Variants in ATXN1 observed in about 807,000 individuals in gnomAD.
ATXN1 encodes the protein ataxin 1.
A neutral mutation model predicts 56.4 loss-of-function variants in ATXN1; 8 were observed. That is an observed-to-expected ratio of 0.14 (90% CI 0.08 to 0.26). ATXN1 has a LOEUF of 0.26. Among genes scored for constraint, ATXN1 ranks in the 10% least tolerant of loss-of-function variants. The probability of loss-of-function intolerance (pLI) is 1.00; values close to 1 mark genes in which losing one functional copy is unlikely to be tolerated. For missense variants in ATXN1, 987 were observed against 1,106.5 expected (o/e 0.89, Z 1.53); for synonymous variants, 514 against 494.6 (o/e 1.04, Z -0.52).
chr6:16,532,459 C>G (rs1440667598), intron 4 of ATXN1, among the ~76,000 whole-genome samples: 1 of 152,248 alleles, frequency 6.6e-6, no homozygotes, highest in African/African-American at 2.4e-5. Flanking sequence ...CAGATAAATG[C>G]TAAATAGCCT....
rs574538055 is a variant in ATXN1, at chr6:16,447,892, TG to T, written c.-161+38079del. Among the ~76,000 whole-genome samples, 37 of 152,332 alleles carry T rather than the reference TG, an allele frequency of 2.4e-4. No homozygotes were observed. The South Asian group carries it at 5.2e-3, about 21-fold the overall frequency. On this transcript the variant is annotated intron_variant, in intron 6 of 7. Transcript: ENST00000436367. Reference sequence around the variant, plus strand: ...ATTGAATTTCTCATTATTAAGTAACTGTAGTTTCAGAAAAGCTCTCCATGTG... The same window carrying T: ...ATTGAATTTCTCATTATTAAGTAACTTAGTTTCAGAAAAGCTCTCCATGTG...
In ATXN1 at chr6:16,338,151, G is replaced by A. The variant is rs559519784; in HGVS notation, c.-160-9681C>T. Among the ~76,000 whole-genome samples, 4 of 152,320 alleles carry A rather than the reference G, an allele frequency of 2.6e-5. No homozygotes were observed. In the South Asian group the frequency reaches 8.3e-4, roughly 32 times the overall value. ...GGGCTACGCCGTAAGGTAGAGAACA[G>A]GTTCAAACCTTGGCTTTACCCCAAA... On this transcript the variant is annotated intron_variant, in intron 6 of 7. Transcript: ENST00000436367.
At chr6:16,691,786 T>C (rs961145921) in intron 2 of ATXN1, among the ~76,000 whole-genome samples, 2 of 152,256 alleles carry the variant, frequency 1.3e-5, no homozygotes, top group African/African-American at 2.4e-5. Flanking sequence ...AATGTCTGTG[T>C]GCCTCCAAAA....
intron 5 of ATXN1, among the ~76,000 whole-genome samples, chr6:16,509,409 G>A (rs1761037717): frequency 6.6e-6 from 1 of 152,214 alleles, no homozygotes; most frequent in Non-Finnish European, 1.5e-5. Context: ...AGATAGGATG[G>A]ACAAGGAAGG....
intron 4 of ATXN1, among the ~76,000 whole-genome samples, chr6:16,570,395 G>C (rs1488773621): frequency 1.3e-5 from 2 of 152,128 alleles, no homozygotes; most frequent in Non-Finnish European, 2.9e-5. Context: ...GGGTTCACCA[G>C]GGCTTCATCT....
At chr6:16,558,178 T>C (rs1581843194) in intron 4 of ATXN1, among the ~76,000 whole-genome samples, 6 of 152,120 alleles carry the variant, frequency 3.9e-5, no homozygotes, top group Admixed American at 3.9e-4. Flanking sequence ...GGCTCACACC[T>C]GTAATCCTAG....
intron 4 of ATXN1, among the ~76,000 whole-genome samples, chr6:16,555,895 C>A (rs1170339280): frequency 6.6e-6 from 1 of 152,202 alleles, no homozygotes; most frequent in Non-Finnish European, 1.5e-5. Flanking sequence ...AAGGGACAGC[C>A]TGTCCTGGTA....
At chr6:16,575,916 T>G (rs766801344) in intron 4 of ATXN1, among the ~76,000 whole-genome samples, 1 of 152,182 alleles carries the variant, frequency 6.6e-6, no homozygotes, top group Non-Finnish European at 1.5e-5. Context: ...AATGGGCATA[T>G]AAAATTTCTA....
At chr6:16,581,363 G>A (rs916023077) in intron 4 of ATXN1, among the ~76,000 whole-genome samples, 4 of 152,010 alleles carry the variant, frequency 2.6e-5, no homozygotes, top group African/African-American at 7.2e-5. Context: ...TTGAGGGCCC[G>A]AAGAGAGCAG....
intron 4 of ATXN1, among the ~76,000 whole-genome samples, chr6:16,550,667 T>A (rs1393915749): frequency 6.6e-6 from 1 of 152,218 alleles, no homozygotes; most frequent in African/African-American, 2.4e-5. Flanking sequence ...AAGTCAGCCA[T>A]GGACACACAG....
chr6:16,445,398 C>A (rs996508098), intron 6 of ATXN1, among the ~76,000 whole-genome samples: 1 of 152,042 alleles, frequency 6.6e-6, no homozygotes, highest in African/African-American at 2.4e-5. Context: ...TCAAAATAAT[C>A]CAGGTGCAGA....
At chr6:16,670,896 A>C (rs1408375292) in intron 2 of ATXN1, among the ~76,000 whole-genome samples, 2 of 152,212 alleles carry the variant, frequency 1.3e-5, no homozygotes, top group Admixed American at 6.5e-5. Context: ...CCACAACCAC[A>C]TGCCAACAAC....
intron 4 of ATXN1, among the ~76,000 whole-genome samples, chr6:16,576,300 C>T (rs1762421074): frequency 1.3e-5 from 2 of 152,166 alleles, no homozygotes; most frequent in Non-Finnish European, 2.9e-5. Flanking sequence ...TTCTTTTCTA[C>T]ATATGATAGT....
chr6:16,346,099 G>C (rs753324021), intron 6 of ATXN1, among the ~76,000 whole-genome samples: 7 of 152,154 alleles, frequency 4.6e-5, no homozygotes, highest in Admixed American at 6.5e-5. Context: ...ACAGTAGCCA[G>C]AGCTGGAGCG....
chr6:16,743,546 C>T (rs1016947890), intron 2 of ATXN1, among the ~76,000 whole-genome samples: 5 of 152,168 alleles, frequency 3.3e-5, no homozygotes, highest in African/African-American at 9.7e-5. Context: ...GGGGAATGCC[C>T]GTATGTATTG....
intron 2 of ATXN1, among the ~76,000 whole-genome samples, chr6:16,751,299 G>C (rs1213963363): frequency 6.6e-6 from 1 of 152,048 alleles, no homozygotes; most frequent in Non-Finnish European, 1.5e-5. Context: ...GCTGACACTT[G>C]TAGATCTTAA....
At chr6:16,420,542 G>A (rs1759010764) in intron 6 of ATXN1, among the ~76,000 whole-genome samples, 1 of 152,214 alleles carries the variant, frequency 6.6e-6, no homozygotes, top group Admixed American at 6.5e-5. Context: ...AGAGGCAGAT[G>A]TATATAAATG....
At chr6:16,555,505 C>T (rs1761994425) in intron 4 of ATXN1, among the ~76,000 whole-genome samples, 1 of 152,186 alleles carries the variant, frequency 6.6e-6, no homozygotes, top group Non-Finnish European at 1.5e-5. Flanking sequence ...AACACTAAGG[C>T]AGACTCGCCT....
intron 4 of ATXN1, among the ~76,000 whole-genome samples, chr6:16,581,795 T>C (rs1561765606): frequency 6.6e-6 from 1 of 152,146 alleles, no homozygotes; most frequent in Non-Finnish European, 1.5e-5. Flanking sequence ...GAGAACAAGG[T>C]ACACGTGTTC....
Sources: allele counts gnomAD v4.1 joint callset (sites outside exome capture counted in the v4.1 genomes callset), GRCh38; gene constraint gnomAD v4.1.1; transcripts MANE v1.5; gene names NCBI Gene and HGNC (gene_info 2026-07-23, HGNC 2026-07-21).